Variants in PTPRD observed in about 807,000 individuals in gnomAD.
PTPRD encodes the protein receptor-type tyrosine-protein phosphatase delta.
A neutral mutation model predicts 214.5 loss-of-function variants in PTPRD; 34 were observed. The ratio of observed to expected loss-of-function variants is 0.16; its 90% CI spans 0.12 to 0.21. PTPRD has a LOEUF of 0.21. Among genes scored for constraint, PTPRD ranks in the 10% least tolerant of loss-of-function variants. PTPRD has a pLI of 1.00. For synonymous variants in PTPRD, 1,128 were observed against 845.7 expected (o/e 1.33, Z -5.79); for missense variants, 2,545 against 2,398.7 (o/e 1.06, Z -1.27).
chr9:8,838,652 G>C (rs1302671361), intron 11 of PTPRD, among the ~76,000 whole-genome samples: 1 of 151,762 alleles, frequency 6.6e-6, no homozygotes, highest in Non-Finnish European at 1.5e-5. Context: ...ATAACTCTTG[G>C]TTGTGAATTT....
At chr9:9,000,100 G>C (rs1287090335) in intron 11 of PTPRD, among the ~76,000 whole-genome samples, 1 of 151,910 alleles carries the variant, frequency 6.6e-6, no homozygotes, top group Non-Finnish European at 1.5e-5. Flanking sequence ...CTGTAATAAT[G>C]GTTTTGCACA....
At chr9:9,518,315 A>T (rs1032601649) in intron 8 of PTPRD, among the ~76,000 whole-genome samples, 1 of 152,080 alleles carries the variant, frequency 6.6e-6, no homozygotes, top group Admixed American at 6.6e-5. Flanking sequence ...TCTTCCTAAT[A>T]TAGAAAATTC....
At chr9:10,280,699 C>T (rs915804975) in intron 3 of PTPRD, among the ~76,000 whole-genome samples, 1 of 152,076 alleles carries the variant, frequency 6.6e-6, no homozygotes, top group Non-Finnish European at 1.5e-5. Context: ...CTGCCCCAAC[C>T]TCCTAGATTC....
chr9:9,265,542 T>C (rs1160215033), intron 9 of PTPRD, among the ~76,000 whole-genome samples: 2 of 151,532 alleles, frequency 1.3e-5, no homozygotes, highest in Admixed American at 6.6e-5. Context: ...TAAACACATA[T>C]GCAATTTAAA....
intron 4 of PTPRD, among the ~76,000 whole-genome samples, chr9:10,002,111 T>A (rs1410688502): frequency 6.6e-6 from 1 of 151,598 alleles, no homozygotes; most frequent in East Asian, 1.9e-4. Context: ...TAGATTGTTT[T>A]AAATTAAGCA....
intron 7 of PTPRD, among the ~76,000 whole-genome samples, chr9:9,654,823 T>G (rs921497638): frequency 6.6e-6 from 1 of 152,154 alleles, no homozygotes; most frequent in Non-Finnish European, 1.5e-5. Context: ...ACTTTCTCTC[T>G]TTAACTGATA....
chr9:10,200,502 T>C (rs1034979206), intron 3 of PTPRD, among the ~76,000 whole-genome samples: 6 of 152,170 alleles, frequency 3.9e-5, no homozygotes, highest in Middle Eastern at 3.4e-3. Context: ...AATAGTGCAG[T>C]TGAAAAACGA....
chr9:9,228,349 T>C (rs1422601340), intron 9 of PTPRD, among the ~76,000 whole-genome samples: 2 of 152,116 alleles, frequency 1.3e-5, no homozygotes, highest in South Asian at 2.1e-4. Context: ...TCATTCTTTT[T>C]ATAAATACAT....
intron 9 of PTPRD, among the ~76,000 whole-genome samples, chr9:9,231,660 G>C (rs989066680): frequency 2.0e-5 from 3 of 151,930 alleles, no homozygotes; most frequent in Non-Finnish European, 4.4e-5. Context: ...TTTGTTACTT[G>C]TAATCTCTAT....
chr9:10,450,701 T>C (rs887974426), intron 2 of PTPRD, among the ~76,000 whole-genome samples: 5 of 152,002 alleles, frequency 3.3e-5, no homozygotes, highest in African/African-American at 1.2e-4. Context: ...ACTGATCAGT[T>C]TGTAGTCATT....
At chr9:8,537,933 T>C (rs1395408836) in intron 14 of PTPRD, among the ~76,000 whole-genome samples, 1 of 152,054 alleles carries the variant, frequency 6.6e-6, no homozygotes, top group Non-Finnish European at 1.5e-5. Flanking sequence ...CTGTTATTAG[T>C]GCTCGGCCTG....
chr9:10,312,293 T>A (rs140337853), intron 3 of PTPRD, among the ~76,000 whole-genome samples: 17 of 152,108 alleles, frequency 1.1e-4, no homozygotes, highest in African/African-American at 4.1e-4. Flanking sequence ...CCTCATCCAT[T>A]TGAGGCTATT....
chr9:8,505,778 G>A (rs1473355338), intron 22 of PTPRD, among the ~76,000 whole-genome samples: 1 of 151,964 alleles, frequency 6.6e-6, no homozygotes, highest in Non-Finnish European at 1.5e-5. Flanking sequence ...CCCTAAATAA[G>A]CAATTGTGGA....
At position 10,008,401 on chromosome 9, in the gene PTPRD, T is replaced by A. The variant is rs368274367; in HGVS notation, c.-472+25317A>T. On this transcript the variant is annotated intron_variant, in intron 4 of 45. Transcript: ENST00000381196. ...GGACCAGCTGTGTCTGACTTAAGAG[T>A]CTGAATATAGGAAGCCTGTGTGGCC... Among the ~76,000 whole-genome samples, 3 of 151,902 alleles carry A rather than the reference T, an allele frequency of 2.0e-5. 1 individual carries two copies. Among genetic ancestry groups the A allele is most frequent in the African/African-American group, 7.3e-5 (3 of 41,362 alleles).
Position 9,835,583 on chromosome 9 carries a change from CA to C in PTPRD, c.-367-68733del, listed in dbSNP as rs141397197. Among the ~76,000 whole-genome samples the C allele has an allele frequency of 8.1e-3, 1,238 of 152,248 alleles. 18 individuals are homozygous for C. The highest frequency in any genetic ancestry group is 0.028 in the African/African-American group (1,170 of 41,556). On this transcript the variant is annotated intron_variant, in intron 5 of 45. Transcript: ENST00000381196. Reference sequence around the variant, plus strand: ...ACAAATTCATGCCTTCTTTAGCAAGCAGCTCATCTTCTTTTGACAAATAGCT... The same window carrying C: ...ACAAATTCATGCCTTCTTTAGCAAGCGCTCATCTTCTTTTGACAAATAGCT...
intron 31 of PTPRD, among the ~76,000 whole-genome samples, chr9:8,470,473 G>C (rs181931662): frequency 6.6e-6 from 1 of 152,092 alleles, no homozygotes; most frequent in Non-Finnish European, 1.5e-5. Flanking sequence ...TTTCTCTATA[G>C]TTAAATGCAT....
chr9:9,296,407 C>T (rs571303462), intron 9 of PTPRD, among the ~76,000 whole-genome samples: 1 of 151,690 alleles, frequency 6.6e-6, no homozygotes, highest in Admixed American at 6.6e-5. Context: ...TTCTCTTTAC[C>T]TTCTGACAAA....
intron 11 of PTPRD, among the ~76,000 whole-genome samples, chr9:8,847,083 T>C (rs1435812665): frequency 6.6e-6 from 1 of 152,222 alleles, no homozygotes; most frequent in Non-Finnish European, 1.5e-5. Flanking sequence ...TAGTATCTAT[T>C]TTGGTATCCT....
At chr9:8,358,623 T>C (rs1452916145) in intron 39 of PTPRD, among the ~76,000 whole-genome samples, 1 of 152,178 alleles carries the variant, frequency 6.6e-6, no homozygotes, top group Admixed American at 6.5e-5. Context: ...TAATAGCTTC[T>C]TGATCAATGT....
Sources: allele counts gnomAD v4.1 joint callset (sites outside exome capture counted in the v4.1 genomes callset), GRCh38; gene constraint gnomAD v4.1.1; transcripts MANE v1.5; gene names NCBI Gene and HGNC (gene_info 2026-07-23, HGNC 2026-07-21).